Variants in PIEZO1 observed in about 807,000 individuals in gnomAD.
PIEZO1 encodes the protein piezo-type mechanosensitive ion channel component 1.
Under a neutral mutation model 297.2 loss-of-function variants are expected in PIEZO1, and 296 were observed. The observed-to-expected ratio is 1.00, with a 90% CI of 0.91 to 1.10. The LOEUF (loss-of-function observed/expected upper bound fraction) is 1.10. PIEZO1 is among the 50% of genes least tolerant of loss of function. The probability of loss-of-function intolerance (pLI) is 0.00; values close to 1 mark genes in which losing one functional copy is unlikely to be tolerated. For missense variants in PIEZO1, 5,018 were observed against 3,455.5 expected, an observed-to-expected ratio of 1.45 and a Z score of -11.34; for synonymous variants, 2,427 against 1,507.5, an observed-to-expected ratio of 1.61 and a Z score of -14.13.
chr16:88,717,706 T>C (rs11641326), intron 44 of PIEZO1: 129,124 of 440,218 alleles, frequency 0.29, 20,200 homozygotes, highest in South Asian at 0.35. Flanking sequence ...TAAGAGACAG[T>C]CCATAGAATT....
chr16:88,751,935 G>A (rs1340984439), intron 1 of PIEZO1, among the ~76,000 whole-genome samples: 2 of 152,190 alleles, frequency 1.3e-5, no homozygotes, highest in Non-Finnish European at 2.9e-5. Flanking sequence ...GTGCACCAGG[G>A]TTGGGTTCGA....
Position 88,725,626 on chromosome 16 carries a change from C to G in PIEZO1, c.4027G>C (p.Glu1343Gln), listed in dbSNP as rs897720806. Residue 1343 changes from glutamate (E) to glutamine (Q), a missense_variant, in exon 28 of 51, where the codon GAG becomes CAG. By Grantham distance (29) the Glu-to-Gln change is conservative (BLOSUM62 2). Transcript: ENST00000301015. ...LKSIDFHRRI[E>Q]EKSLAQLKRQ... ...TTCAGCTGGGCCAGGGACTTCTCCT[C>G]TATCCTGCGGTGAAAGTCAATGCTC... is the stretch of plus-strand genomic sequence containing the variant. The G allele has an allele frequency of 6.5e-7, 1 of 1,549,772 alleles. No individual in the cohort carries two copies. The highest frequency in any genetic ancestry group is 8.7e-7 in the Non-Finnish European group (1 of 1,146,194).
In PIEZO1 at chr16:88,725,627, T is replaced by C. The variant is rs750056978; in HGVS notation, c.4026A>G (p.Ile1342Met). Reference sequence around the variant, plus strand: ...TCAGCTGGGCCAGGGACTTCTCCTCTATCCTGCGGTGAAAGTCAATGCTCT... The same window carrying C: ...TCAGCTGGGCCAGGGACTTCTCCTCCATCCTGCGGTGAAAGTCAATGCTCT... ...NLKSIDFHRR[I>M]EEKSLAQLKR... Residue 1342 changes from isoleucine (I) to methionine (M), a missense_variant, in exon 28 of 51, where the codon ATA becomes ATG. By Grantham distance (10) the Ile-to-Met change is conservative (BLOSUM62 1). Transcript: ENST00000301015. 6.5e-7 allele frequency: 1 copy of C among 1,549,596 alleles called. No homozygotes were observed. The highest frequency in any genetic ancestry group is 8.7e-7 in the Non-Finnish European group (1 of 1,146,062).
At chr16:88,760,875 G>A (rs923227433) in intron 1 of PIEZO1, among the ~76,000 whole-genome samples, 8 of 152,262 alleles carry the variant, frequency 5.3e-5, no homozygotes, top group African/African-American at 7.2e-5. Context: ...CGGTGTCCAG[G>A]TTTAATTAGC....
intron 1 of PIEZO1, among the ~76,000 whole-genome samples, chr16:88,779,646 G>A (rs144010257): frequency 3.0e-4 from 45 of 152,316 alleles, no homozygotes; most frequent in African/African-American, 1.1e-3. Context: ...GCAGTGGGAT[G>A]GGCTGGGCTG....
chr16:88,743,434 C>T (rs1388713658), intron 2 of PIEZO1: 3 of 436,798 alleles, frequency 6.9e-6, no homozygotes, highest in South Asian at 3.2e-5. Flanking sequence ...CGCCCGGCCA[C>T]GAGAAAGTGC....
At chr16:88,721,110 G>C in intron 39 of PIEZO1, 56 bp downstream of exon 39, 1 of 1,429,976 alleles carries the variant, frequency 7.0e-7, no homozygotes, top group Non-Finnish European at 9.2e-7. Flanking sequence ...CCTCCCTGCA[G>C]TAGCCCCACT....
intron 1 of PIEZO1, among the ~76,000 whole-genome samples, chr16:88,775,905 G>A (rs908197825): frequency 2.6e-5 from 4 of 152,302 alleles, no homozygotes; most frequent in African/African-American, 9.6e-5. Context: ...GAAGAAGGCA[G>A]TGCACACGCA....
chr16:88,729,966 G>A (rs1567668411), intron 22 of PIEZO1, among the ~76,000 whole-genome samples: 1 of 152,294 alleles, frequency 6.6e-6, no homozygotes, highest in East Asian at 1.9e-4. Context: ...TGATCTCACA[G>A]GATGGCGACT....
At chr16:88,776,126 C>A (rs796103552) in intron 1 of PIEZO1, among the ~76,000 whole-genome samples, 1 of 152,228 alleles carries the variant, frequency 6.6e-6, no homozygotes, top group South Asian at 2.1e-4. Flanking sequence ...AGATCCCACA[C>A]TGTGGTGCAC....
chr16:88,774,401 T>A (rs1378210860), intron 1 of PIEZO1, among the ~76,000 whole-genome samples: 1 of 151,948 alleles, frequency 6.6e-6, no homozygotes, highest in African/African-American at 2.4e-5. Context: ...GATAAGTAAA[T>A]AAATAAAAAT....
At chr16:88,779,168 A>G (rs1256276866) in intron 1 of PIEZO1, among the ~76,000 whole-genome samples, 1 of 149,676 alleles carries the variant, frequency 6.7e-6, no homozygotes, top group Non-Finnish European at 1.5e-5. Context: ...CAGCCTTCCC[A>G]GCTGGGAATA....
In PIEZO1 at chr16:88,749,221, CTG is replaced by C. The variant is rs1906252372; in HGVS notation, c.160+161_160+162del. Among the ~76,000 whole-genome samples, 23 of 151,532 alleles carry C rather than the reference CTG, an allele frequency of 1.5e-4. No individual in the cohort carries two copies. The East Asian group carries it at 4.5e-3, about 30-fold the overall frequency. On this transcript the variant is annotated intron_variant, in intron 2 of 50. Transcript: ENST00000301015. ...CGCCACTGCACTCCAGCCTGGGCGA[CTG>C]AGCGAGACTCCGTCTCAAAAAAAAA... is the stretch of plus-strand genomic sequence containing the variant.
chr16:88,725,952 C>T, intron 27 of PIEZO1: 1 of 569,174 alleles, frequency 1.8e-6, no homozygotes. Context: ...TGGCCCCAAG[C>T]CAGAACCCCT....
intron 1 of PIEZO1, among the ~76,000 whole-genome samples, chr16:88,772,041 G>C (rs1299395151): frequency 1.7e-5 from 2 of 117,678 alleles, no homozygotes; most frequent in Admixed American, 1.7e-4. Flanking sequence ...CTCTATGCCC[G>C]TCCACCCGCG....
chr16:88,733,730 C>T lies in PIEZO1; in HGVS notation c.2345G>A (p.Gly782Asp), dbSNP rs997631400. 6.5e-7 allele frequency: 1 copy of T among 1,545,130 alleles called. No homozygotes were observed. Among genetic ancestry groups the T allele is most frequent in the African/African-American group, 1.4e-5 (1 of 72,970 alleles). Residue 782 changes from glycine to aspartate, a missense_variant, in exon 18 of 51, where the codon GGC becomes GAC. By Grantham distance (94) the Gly-to-Asp change is moderately conservative. Transcript: ENST00000301015. ...TQVPEGAAKW[G>D]LVAERLLELA... ...CTCCAGCAGCCGCTCAGCCACCAGG[C>T]CCCACTTGGCTGCCCCTGTGATGGT...
chr16:88,729,504 T>C (rs1904660711), intron 22 of PIEZO1, among the ~76,000 whole-genome samples: 1 of 117,148 alleles, frequency 8.5e-6, no homozygotes, highest in Non-Finnish European at 1.8e-5. Flanking sequence ...AAAGTGACCC[T>C]CGATGCTGGG....
At position 88,757,323 on chromosome 16, in the gene PIEZO1, G is replaced by C. The variant is rs1286355568; in HGVS notation, c.65-7844C>G. On this transcript the variant is annotated intron_variant, in intron 1 of 50. Coordinates refer to ENST00000301015, the MANE Select transcript of PIEZO1 (RefSeq NM_001142864.4). ...GTATGCAGGGGGCGTTGCTGGCGGG[G>C]GGGTGGGGGGTAGTTACCTAACCTG... Among the ~76,000 whole-genome samples, 13 of 98,660 alleles carry C rather than the reference G, an allele frequency of 1.3e-4. 1 individual carries two copies. The South Asian group carries it at 3.8e-3, about 29-fold the overall frequency. 64.7% of individuals were successfully genotyped at this position (98,660 alleles called of 152,430 possible).
chr16:88,732,879 CG>C, intron 19 of PIEZO1, 147 bp from the exon 20 acceptor site: 3 of 780,314 alleles, frequency 3.8e-6, no homozygotes, highest in Non-Finnish European at 6.1e-6. Flanking sequence ...GCCACCTTCA[CG>C]GGGAAGGGGA....
Sources: gnomAD v4.1 joint callset for allele counts (sites outside exome capture counted in the v4.1 genomes callset) on GRCh38, gnomAD v4.1.1 for gene constraint, MANE v1.5 for transcripts, NCBI Gene and HGNC (gene_info 2026-07-23, HGNC 2026-07-21) for gene names.